The following SYNPR variants were observed in gnomAD, a reference collection of about 807,000 sequenced individuals.
SYNPR encodes synaptoporin.
In SYNPR, 23 loss-of-function variants were observed where a neutral mutation model predicts 32.9. That is an observed-to-expected ratio of 0.70 (90% CI 0.50 to 0.99). SYNPR has a LOEUF of 0.99. SYNPR is among the 50% of genes least tolerant of loss of function. The pLI is 0.00. For synonymous variants in SYNPR, 146 were observed against 135.9 expected (o/e 1.07, Z -0.52); for missense variants, 318 against 349.3 (o/e 0.91, Z 0.71).
At position 63,253,759 on chromosome 3, in the gene SYNPR, C is replaced by T. The variant is rs374063934; in HGVS notation, n.154+1173C>T. Among the ~76,000 whole-genome samples the T allele has an allele frequency of 4.9e-4, 75 of 152,216 alleles. No individual in the cohort carries two copies. In the South Asian group the frequency reaches 5.8e-3, roughly 12 times the overall value. Reference sequence around the variant, plus strand: ...TCAATCATTGTGGAAGTCAGTGTGGCGATTCCTCAGGGATCTAGAACTAGA... The same window carrying T: ...TCAATCATTGTGGAAGTCAGTGTGGTGATTCCTCAGGGATCTAGAACTAGA... On this transcript the variant is annotated intron_variant and non_coding_transcript_variant, in intron 2 of 4. Transcript: ENST00000478456.
chr3:63,583,913 G>T (rs917555460), intron 4 of SYNPR, among the ~76,000 whole-genome samples: 1 of 152,066 alleles, frequency 6.6e-6, no homozygotes, highest in Non-Finnish European at 1.5e-5. Flanking sequence ...TTAAGGTGAG[G>T]AAGAATGAAT....
At chr3:63,519,908 C>CTGCG (rs1559524540) in intron 3 of SYNPR, among the ~76,000 whole-genome samples, 8 of 151,862 alleles carry the variant, frequency 5.3e-5, no homozygotes, top group Admixed American at 3.9e-4. Flanking sequence ...TTCACATCAC[C>CTGCG]CTGAGATAAC....
intron 2 of SYNPR, among the ~76,000 whole-genome samples, chr3:63,422,924 A>C (rs1699825167): frequency 6.6e-6 from 1 of 152,212 alleles, no homozygotes; most frequent in African/African-American, 2.4e-5. Flanking sequence ...ATGAATAAGC[A>C]TGACATATTC....
At chr3:63,371,250 T>C (rs565629041) in intron 2 of SYNPR, among the ~76,000 whole-genome samples, 25 of 151,822 alleles carry the variant, frequency 1.6e-4, no homozygotes, top group Non-Finnish European at 2.9e-4. Flanking sequence ...CACAGGGGCC[T>C]CCAGACTGAC....
intron 3 of SYNPR, among the ~76,000 whole-genome samples, chr3:63,272,374 T>C (rs1184158330): frequency 1.3e-5 from 2 of 152,160 alleles, no homozygotes; most frequent in Admixed American, 1.3e-4. Flanking sequence ...ACTCTAGGAC[T>C]TGTGTCAACA....
chr3:63,308,336 G>C (rs78012212), intron 2 of SYNPR, among the ~76,000 whole-genome samples: 3,664 of 151,952 alleles, frequency 0.024, 128 homozygotes, highest in African/African-American at 0.083. Flanking sequence ...TATTGACTTA[G>C]ACATATTTTA....
chr3:63,435,590 CT>C (rs1481705797), intron 2 of SYNPR, among the ~76,000 whole-genome samples: 5 of 152,194 alleles, frequency 3.3e-5, no homozygotes, highest in African/African-American at 7.2e-5. Context: ...TTGACTGCCC[CT>C]AGCACACCCT....
chr3:63,405,262 C>T (rs1469319128), intron 2 of SYNPR, among the ~76,000 whole-genome samples: 1 of 152,128 alleles, frequency 6.6e-6, no homozygotes, highest in Non-Finnish European at 1.5e-5. Flanking sequence ...GTAAACCATG[C>T]AATGAGTGGT....
chr3:63,438,433 C>T (rs759622860), intron 2 of SYNPR, among the ~76,000 whole-genome samples: 1 of 152,110 alleles, frequency 6.6e-6, no homozygotes, highest in Non-Finnish European at 1.5e-5. Context: ...GCCTTGCCTA[C>T]CTTATGCTCC....
In SYNPR at chr3:63,480,788, T is replaced by C. The variant is rs988226984; in HGVS notation, c.85-44T>C. On this transcript the variant is annotated intron_variant, in intron 2 of 5. Coordinates refer to ENST00000478300, the MANE Select transcript of SYNPR (RefSeq NM_001130003.2). ...TTTGATATATCTCATTAGAGCAACA[T>C]CATCCTAATAACTGCCTTCTATTTG... The C allele has an allele frequency of 5.0e-6, 8 of 1,604,772 alleles. No individual in the cohort carries two copies. The African/African-American group carries it at 5.3e-5, about 11-fold the overall frequency.
At chr3:63,511,776 A>G (rs1396180239) in intron 3 of SYNPR, among the ~76,000 whole-genome samples, 1 of 152,162 alleles carries the variant, frequency 6.6e-6, no homozygotes. Flanking sequence ...AAAAGCACCA[A>G]AAGAAAGAGA....
At chr3:63,371,135 C>T (rs2087807192) in intron 2 of SYNPR, among the ~76,000 whole-genome samples, 4 of 152,082 alleles carry the variant, frequency 2.6e-5, no homozygotes, top group Admixed American at 2.0e-4. Flanking sequence ...AGGAGGCCCC[C>T]ATACCTCGGA....
intron 4 of SYNPR, among the ~76,000 whole-genome samples, chr3:63,600,605 G>T (rs761157217): frequency 6.6e-6 from 1 of 152,166 alleles, no homozygotes; most frequent in African/African-American, 2.4e-5. Context: ...GGAGGTAATT[G>T]GATCATGGGG....
chr3:63,274,759 C>G (rs996834479), upstream of SYNPR, among the ~76,000 whole-genome samples: 22 of 152,264 alleles, frequency 1.4e-4, no homozygotes, highest in African/African-American at 5.3e-4. Flanking sequence ...GAGTAACTGT[C>G]CTCTGAATTG....
intron 2 of SYNPR, among the ~76,000 whole-genome samples, chr3:63,469,850 A>G (rs1339792301): frequency 6.6e-6 from 1 of 152,226 alleles, no homozygotes; most frequent in Non-Finnish European, 1.5e-5. Flanking sequence ...TGTAAATATA[A>G]TAAATTTGAA....
intron 2 of SYNPR, among the ~76,000 whole-genome samples, chr3:63,468,444 T>A (rs1171678530): frequency 6.6e-6 from 1 of 151,906 alleles, no homozygotes; most frequent in Non-Finnish European, 1.5e-5. Flanking sequence ...TTTATACTTG[T>A]GGCCTGTAGC....
intron 2 of SYNPR, among the ~76,000 whole-genome samples, chr3:63,266,548 C>CA (rs993942223): frequency 4.0e-5 from 6 of 150,034 alleles, no homozygotes; most frequent in Admixed American, 1.3e-4. Flanking sequence ...ACTAAAAATA[C>CA]AAAAAAAAAT....
chr3:63,346,939 TC>T (rs1466474695), intron 2 of SYNPR, among the ~76,000 whole-genome samples: 1 of 152,234 alleles, frequency 6.6e-6, no homozygotes, highest in Non-Finnish European at 1.5e-5. Flanking sequence ...TAAGATTATT[TC>T]CTTTTATTTA....
intron 3 of SYNPR, among the ~76,000 whole-genome samples, chr3:63,544,226 G>A (rs368949142): frequency 3.3e-5 from 5 of 152,152 alleles, no homozygotes; most frequent in East Asian, 3.9e-4. Context: ...TTGGAGACAC[G>A]GGTGACATTA....
Sources: allele counts gnomAD v4.1 joint callset (sites outside exome capture counted in the v4.1 genomes callset), GRCh38; gene constraint gnomAD v4.1.1; transcripts MANE v1.5; gene names NCBI Gene and HGNC (gene_info 2026-07-23, HGNC 2026-07-21).